The following UNC80 variants were observed in gnomAD, a reference collection of about 807,000 sequenced individuals.
UNC80 encodes unc-80 subunit of NALCN channel complex, also known as protein unc-80 homolog.
UNC80 carries 164 observed loss-of-function variants against 384.6 expected under a neutral mutation model. The observed-to-expected ratio is 0.43, with a 90% CI of 0.38 to 0.49. The LOEUF (loss-of-function observed/expected upper bound fraction) is 0.49. UNC80 is among the 20% of genes least tolerant of loss of function. The pLI, the probability that UNC80 is intolerant of heterozygous loss-of-function variation, is 0.00. For synonymous variants in UNC80, 1,486 were observed against 1,527.8 expected (o/e 0.97, Z 0.64); for missense variants, 3,330 against 4,143.0 (o/e 0.80, Z 5.39).
At chr2:209,818,389 G>A (rs954440586) in intron 11 of UNC80, among the ~76,000 whole-genome samples, 22 of 149,538 alleles carry the variant, frequency 1.5e-4, no homozygotes, top group African/African-American at 4.9e-4. Context: ...TGTGTGTTTT[G>A]TGTGCAGCAA....
intron 7 of UNC80, chr2:209,809,243 C>A (rs1378191051): frequency 1.7e-5 from 12 of 709,778 alleles, no homozygotes; most frequent in Non-Finnish European, 2.9e-5. Context: ...TTTCAAAAAG[C>A]CTTCAACTGC....
At position 209,842,455 on chromosome 2, in the gene UNC80, C is replaced by T; in HGVS notation, c.3454+9C>T. The T allele has an allele frequency of 6.5e-7, 1 of 1,528,266 alleles. No individual in the cohort carries two copies. Among genetic ancestry groups the T allele is most frequent in the Non-Finnish European group, 8.9e-7 (1 of 1,127,346 alleles). 94.7% of individuals were successfully genotyped at this position (1,528,266 alleles called of 1,614,324 possible). Reference sequence around the variant, plus strand: ...TTTCTTCAAGCGTCTTGGTAAATGTCATGCATCCTAAGAATTCTATTCAAC... The same window carrying T: ...TTTCTTCAAGCGTCTTGGTAAATGTTATGCATCCTAAGAATTCTATTCAAC... On this transcript the variant is annotated intron_variant, in intron 21 of 64. Transcript: ENST00000673920.
chr2:209,946,369 G>GAAA (rs553758753), intron 47 of UNC80, among the ~76,000 whole-genome samples: 5 of 108,904 alleles, frequency 4.6e-5, no homozygotes, highest in South Asian at 5.4e-4. Flanking sequence ...GACTTTGTCA[G>GAAA]AAAAAAAAAA....
In UNC80 at chr2:209,835,090, T is replaced by C. The variant is rs1393266223; in HGVS notation, c.3041+80T>C. 6 of 1,145,186 alleles carry C rather than the reference T, an allele frequency of 5.2e-6. No individual in the cohort carries two copies. In the Admixed American group the frequency reaches 6.2e-5, roughly 12 times the overall value. 70.9% of individuals were successfully genotyped at this position (1,145,186 alleles called of 1,614,324 possible). ...AGAATTTCTATTTTCCAAACTGCTA[T>C]TTGTTTGTTTTTCATCTCCTTTGAA... is the stretch of plus-strand genomic sequence containing the variant. On this transcript the variant is annotated intron_variant, in intron 18 of 64. Transcript: ENST00000673920.
chr2:209,982,144 G>A, intron 59 of UNC80, 35 bp from the exon 60 acceptor site: 1 of 1,541,380 alleles, frequency 6.5e-7, no homozygotes, highest in East Asian at 2.5e-5. Context: ...CAGTGTCATA[G>A]TTTTTGTAAC....
At chr2:209,808,918 GC>G in intron 7 of UNC80, 1 of 282,710 alleles carries the variant, frequency 3.5e-6, no homozygotes, top group Non-Finnish European at 6.8e-6. Context: ...CTACCACCAG[GC>G]CCACCTTAAC....
chr2:209,813,695 C>T lies in UNC80; in HGVS notation c.1054C>T (p.Leu352=). 1 of 1,551,754 alleles carries T rather than the reference C, an allele frequency of 6.4e-7. No homozygotes were observed. Reference sequence around the variant, plus strand: ...GTCTGAGGAAGGCACTCAGTGGTCTCTGATGTACTATCTACAAAGGCTGCG... The same window carrying T: ...GTCTGAGGAAGGCACTCAGTGGTCTTTGATGTACTATCTACAAAGGCTGCG... The part of the protein sequence containing the change: ...HWSEEGTQWS[L]MYYLQRLRHM... The change falls in exon 8 of 65, where the codon CTG becomes TTG. Residue 352 remains leucine (L), a synonymous_variant. Transcript: ENST00000673920.
intron 28 of UNC80, among the ~76,000 whole-genome samples, chr2:209,896,783 T>G (rs1418483454): frequency 6.6e-6 from 1 of 152,024 alleles, no homozygotes; most frequent in East Asian, 1.9e-4. Flanking sequence ...GTGTTGCTCT[T>G]GGGTGTGTAT....
In UNC80 at chr2:209,959,736, T is replaced by A. The variant is rs768325235; in HGVS notation, c.7805+29T>A. Reference sequence around the variant, plus strand: ...CTGGCCTCGCTTTCCCTGCCCCAAGTGTGAACACAGCTTGGCCCATGTGTC... The same window carrying A: ...CTGGCCTCGCTTTCCCTGCCCCAAGAGTGAACACAGCTTGGCCCATGTGTC... On this transcript the variant is annotated intron_variant, in intron 51 of 64. Coordinates refer to ENST00000673920, the MANE Select transcript of UNC80 (RefSeq NM_001371986.1). 4.5e-6 allele frequency: 7 copies of A among 1,541,634 alleles called. No individual in the cohort carries two copies. The Admixed American group carries it at 5.9e-5, about 13-fold the overall frequency.
intron 35 of UNC80, among the ~76,000 whole-genome samples, chr2:209,924,489 C>G (rs1163881022): frequency 1.3e-5 from 2 of 152,164 alleles, no homozygotes; most frequent in African/African-American, 4.8e-5. Context: ...CTTCAGTGTT[C>G]CAGTAGTTTA....
intron 29 of UNC80, among the ~76,000 whole-genome samples, chr2:209,911,826 C>A (rs976032899): frequency 1.1e-4 from 16 of 152,206 alleles, no homozygotes; most frequent in African/African-American, 3.6e-4. Context: ...CTTCTCCCAG[C>A]TGCATTATTC....
rs1042672493 is a variant in UNC80 at position 209,959,698 on chromosome 2, C to G, written c.7796C>G (p.Ser2599Cys). Residue 2599 changes from serine (S) to cysteine (C), a missense_variant, in exon 51 of 65, where the codon TCT (serine) becomes TGT (cysteine). Transcript: ENST00000673920. Reference sequence around the variant, plus strand: ...GCCTTGGAACTGCTGGATGTGAAGTCTCACATGAGGTACTGGCCTCGCTTT... The same window carrying G: ...GCCTTGGAACTGCTGGATGTGAAGTGTCACATGAGGTACTGGCCTCGCTTT... ...VIALELLDVKSHMRLAEIAHS... is the reference protein window; with the variant it reads ...VIALELLDVKCHMRLAEIAHS... 6 of 1,551,280 alleles carry G rather than the reference C, an allele frequency of 3.9e-6. No individual in the cohort carries two copies. The Admixed American group carries it at 1.2e-4, about 30-fold the overall frequency.
intron 39 of UNC80, among the ~76,000 whole-genome samples, chr2:209,934,390 G>C (rs1186914661): frequency 6.6e-6 from 1 of 152,174 alleles, no homozygotes; most frequent in African/African-American, 2.4e-5. Flanking sequence ...CTCCATGAGT[G>C]AGGGCTTTAT....
At chr2:209,874,262 G>A (rs2084572812) in intron 23 of UNC80, among the ~76,000 whole-genome samples, 1 of 152,114 alleles carries the variant, frequency 6.6e-6, no homozygotes, top group African/African-American at 2.4e-5. Context: ...GATACATAGA[G>A]GCACCAGTAA....
Position 209,887,739 on chromosome 2 carries a change from T to TG in UNC80, c.4111-356_4111-355insG. Among the ~76,000 whole-genome samples the TG allele has an allele frequency of 3.3e-5, 5 of 152,240 alleles. No homozygotes were observed. The South Asian group carries it at 8.3e-4, about 25-fold the overall frequency. On this transcript the variant is annotated intron_variant, in intron 25 of 64. Coordinates refer to ENST00000673920, the MANE Select transcript of UNC80 (RefSeq NM_001371986.1). ...TATTTATCCTTCAGTACCTAACACA[T>TG]CCATGCTTGATGCATGATTTTTAAA...
At chr2:209,940,001 C>T (rs1176048046) in intron 43 of UNC80, among the ~76,000 whole-genome samples, 1 of 152,144 alleles carries the variant, frequency 6.6e-6, no homozygotes, top group African/African-American at 2.4e-5. Context: ...CTCCGGGTTT[C>T]AGGATGGGGC....
chr2:209,886,445 T>TA (rs940294612), intron 25 of UNC80, among the ~76,000 whole-genome samples: 19 of 151,802 alleles, frequency 1.3e-4, no homozygotes, highest in Non-Finnish European at 2.5e-4. Context: ...AAATTAAAAA[T>TA]AAAAAAGAAT....
At chr2:209,932,896 A>G (rs1028037850) in intron 38 of UNC80, among the ~76,000 whole-genome samples, 1 of 152,164 alleles carries the variant, frequency 6.6e-6, no homozygotes. Context: ...ATAAATTTCT[A>G]TTAAGGGTGA....
At chr2:209,907,615 G>A (rs1426442036) in intron 29 of UNC80, among the ~76,000 whole-genome samples, 1 of 152,196 alleles carries the variant, frequency 6.6e-6, no homozygotes, top group African/African-American at 2.4e-5. Flanking sequence ...GGACTGTGAT[G>A]CATGATGAAG....
Sources: allele counts gnomAD v4.1 joint callset (sites outside exome capture counted in the v4.1 genomes callset), GRCh38; gene constraint gnomAD v4.1.1; transcripts MANE v1.5; gene names NCBI Gene and HGNC (gene_info 2026-07-23, HGNC 2026-07-21).